The following ZNF569 variants were observed in gnomAD, a reference collection of about 807,000 sequenced individuals.
The protein encoded by ZNF569 is DNA-binding protein.
Under a neutral mutation model 56.3 loss-of-function variants are expected in ZNF569, and 38 were observed. The observed-to-expected ratio is 0.68, with a 90% CI of 0.52 to 0.88. The LOEUF (loss-of-function observed/expected upper bound fraction) is 0.88, where lower values mean the gene tolerates loss of function less well. Among genes scored for constraint, ZNF569 ranks in the 40% least tolerant of loss-of-function variants. ZNF569 has a pLI of 0.00. For missense variants in ZNF569, 666 were observed against 809.2 expected (o/e 0.82, Z 2.15); for synonymous variants, 241 against 262.9 (o/e 0.92, Z 0.81).
At chr19:37,415,063 C>A (rs1223734371) in intron 5 of ZNF569, among the ~76,000 whole-genome samples, 1 of 151,914 alleles carries the variant, frequency 6.6e-6, no homozygotes, top group Non-Finnish European at 1.5e-5. Context: ...TATATTAATA[C>A]CAAAACCTGA....
At chr19:37,446,874 T>C (rs892969049) in intron 2 of ZNF569, among the ~76,000 whole-genome samples, 2 of 152,034 alleles carry the variant, frequency 1.3e-5, no homozygotes, top group Non-Finnish European at 2.9e-5. Flanking sequence ...AAAGGACTAA[T>C]ACTCAGAATC....
intron 2 of ZNF569, among the ~76,000 whole-genome samples, chr19:37,464,359 T>G (rs1201186918): frequency 6.6e-6 from 1 of 152,128 alleles, no homozygotes; most frequent in East Asian, 1.9e-4. Context: ...CTGGCTAATT[T>G]TTTGTATTTT....
At chr19:37,454,978 A>T in intron 2 of ZNF569, 1 of 640,840 alleles carries the variant, frequency 1.6e-6, no homozygotes, top group Non-Finnish European at 2.8e-6. Context: ...TAGAAAAATT[A>T]TTTTGTAGTT....
Position 37,411,578 on chromosome 19 carries a change from C to CAA in ZNF569, c.*1018_*1019insTT, listed in dbSNP as rs1600281677. On this transcript the variant is annotated 3_prime_UTR_variant, in exon 6 of 6. Coordinates refer to ENST00000316950, the MANE Select transcript of ZNF569 (RefSeq NM_152484.3). ...GGCCAATACACCAAAATTCAACAGA[C>CAA]TATTCCATGTTTACATGTTTTTTAA... 5 of 152,256 alleles carry CAA rather than the reference C, an allele frequency of 3.3e-5. No individual in the cohort carries two copies. In the East Asian group the frequency reaches 9.6e-4, roughly 29 times the overall value. The allele number at this position is 152,256 out of a possible 1,614,324, so 9.4% of individuals were successfully genotyped here. A position where few individuals can be genotyped will look rare whatever the true frequency, so the allele number is the denominator to read the frequency against.
chr19:37,414,533 C>A, intron 5 of ZNF569, 114 bp from the exon 6 acceptor site: 3 of 1,419,134 alleles, frequency 2.1e-6, no homozygotes, highest in Non-Finnish European at 2.8e-6. Flanking sequence ...AAGCCCTACT[C>A]TCCCACTATT....
Position 37,412,826 on chromosome 19 carries a change from C to T in ZNF569, c.1832G>A (p.Cys611Tyr), listed in dbSNP as rs747053046. The T allele has an allele frequency of 1.7e-5, 27 of 1,613,850 alleles. No homozygotes were observed. Among genetic ancestry groups the T allele is most frequent in the African/African-American group, 1.1e-4 (8 of 74,912 alleles). ...TGEKPYECNK[C>Y]GKAFSQSSSL... ...TGAGCTTTGGGAGAAGGCTTTTCCA[C>T]ATTTATTACATTCATAGGGTTTTTC... The change falls in exon 6 of 6, where the codon TGT (cysteine) becomes TAT (tyrosine). Residue 611 changes from cysteine to tyrosine, a missense_variant. Transcript: ENST00000316950.
chr19:37,448,650 G>A (rs1471514250), intron 2 of ZNF569, among the ~76,000 whole-genome samples: 2 of 133,050 alleles, frequency 1.5e-5, no homozygotes, highest in Non-Finnish European at 3.1e-5. Flanking sequence ...CGCAAGCTCC[G>A]CCTCCCGGGT....
chr19:37,413,932 G>GT lies in ZNF569; in HGVS notation c.725dup (p.Tyr242Ter). 6.2e-7 allele frequency: 1 copy of GT among 1,613,210 alleles called. No individual in the cohort carries two copies. Among genetic ancestry groups the GT allele is most frequent in the Non-Finnish European group, 8.5e-7 (1 of 1,179,854 alleles). The change falls in exon 6 of 6, where the codon TAC (tyrosine) becomes TAAC (stop). Residue 242 changes from tyrosine to a stop codon, truncating the protein, a stop_gained and frameshift_variant. Coordinates refer to ENST00000316950, the MANE Select transcript of ZNF569 (RefSeq NM_152484.3). LOFTEE classifies it high-confidence loss of function. Reference protein sequence around the residue: ...HYKIHSREQSYKCNECGKAFI... With the variant: ...HYKIHSREQS ...AAGCTTTACCACATTCATTACATTT[G>GT]TAAGACTGCTCCCTACTGTGAATTT...
At chr19:37,426,471 G>T (rs555627155) in intron 3 of ZNF569, 93 bp from the exon 4 acceptor site, 3 of 1,317,240 alleles carry the variant, frequency 2.3e-6, no homozygotes, top group Admixed American at 2.7e-5. Context: ...TTAATCAGAG[G>T]TTATTAAAAA....
intron 5 of ZNF569, chr19:37,425,658 T>C (rs1252747488): frequency 9.9e-6 from 4 of 405,252 alleles, no homozygotes; most frequent in African/African-American, 2.1e-5. Flanking sequence ...AGAGATGAGG[T>C]CTCACTATGT....
At chr19:37,438,841 A>G (rs2041355473) in intron 3 of ZNF569, among the ~76,000 whole-genome samples, 1 of 152,190 alleles carries the variant, frequency 6.6e-6, no homozygotes, top group Non-Finnish European at 1.5e-5. Context: ...AAATATATGT[A>G]AACTATCCAT....
intron 3 of ZNF569, chr19:37,431,647 G>A (rs913049865): frequency 3.9e-5 from 6 of 152,274 alleles, no homozygotes; most frequent in Admixed American, 6.5e-5. Flanking sequence ...AGAGACTCCT[G>A]CTTGAGAAAA....
At chr19:37,420,747 A>G (rs2041021682) in intron 5 of ZNF569, among the ~76,000 whole-genome samples, 1 of 152,196 alleles carries the variant, frequency 6.6e-6, no homozygotes, top group Non-Finnish European at 1.5e-5. Flanking sequence ...TCCTCTCCTG[A>G]GTCATGAATA....
intron 2 of ZNF569, 57 bp from the exon 3 acceptor site, chr19:37,445,021 C>T (rs2041469735): frequency 5.0e-6 from 7 of 1,390,452 alleles, no homozygotes; most frequent in Admixed American, 2.1e-5. Flanking sequence ...CAGAAACATG[C>T]ACACACAGGG....
At position 37,412,109 on chromosome 19, in the gene ZNF569, T is replaced by A. The variant is rs1189187090; in HGVS notation, c.*488A>T. ...GAAATTATATTTTTACAATGTCAAG[T>A]CTTTTCAGACAAAATATCATTTTTC... On this transcript the variant is annotated 3_prime_UTR_variant, in exon 6 of 6. Coordinates refer to ENST00000316950, the MANE Select transcript of ZNF569 (RefSeq NM_152484.3). The A allele has an allele frequency of 6.6e-6, 1 of 152,410 alleles. No homozygotes were observed. The highest frequency in any genetic ancestry group is 2.4e-5 in the African/African-American group (1 of 41,470). The allele number at this position is 152,410 out of a possible 1,614,324, so 9.4% of individuals were successfully genotyped here.
rs1297479735 is a variant in ZNF569, at chr19:37,434,208, G to A, written c.16-7830C>T. Among the ~76,000 whole-genome samples the A allele has an allele frequency of 2.6e-5, 4 of 151,910 alleles. No homozygotes were observed. In the East Asian group the frequency reaches 7.8e-4, roughly 29 times the overall value. Reference sequence around the variant, plus strand: ...TCAGCTACTCAGGAGGCTGAGGCAGGAGAATCGCTTGAACCCGGGAGGCAG... The same window carrying A: ...TCAGCTACTCAGGAGGCTGAGGCAGAAGAATCGCTTGAACCCGGGAGGCAG... On this transcript the variant is annotated intron_variant, in intron 3 of 5. Coordinates refer to ENST00000316950, the MANE Select transcript of ZNF569 (RefSeq NM_152484.3).
intron 3 of ZNF569, chr19:37,427,707 C>T (rs7254009): frequency 0.6 from 268,891 of 447,526 alleles, 84,052 homozygotes; most frequent in African/African-American, 0.86. Context: ...AATCATGATG[C>T]TTGCAATAAA....
intron 2 of ZNF569, among the ~76,000 whole-genome samples, chr19:37,462,176 C>A (rs941976964): frequency 3.3e-5 from 5 of 152,146 alleles, no homozygotes; most frequent in Admixed American, 2.6e-4. Context: ...ATCTGCCCAT[C>A]TACTTGTATC....
At chr19:37,428,579 G>C (rs2041174460) in intron 3 of ZNF569, among the ~76,000 whole-genome samples, 1 of 146,506 alleles carries the variant, frequency 6.8e-6, no homozygotes, top group Admixed American at 6.8e-5. Flanking sequence ...TTAGGCAAAT[G>C]TTTAGTAAGT....
Sources: allele counts gnomAD v4.1 joint callset (sites outside exome capture counted in the v4.1 genomes callset), GRCh38; gene constraint gnomAD v4.1.1; transcripts MANE v1.5; gene names NCBI Gene and HGNC (gene_info 2026-07-23, HGNC 2026-07-21).